The following ROCK2 variants were observed in gnomAD, a reference collection of about 807,000 sequenced individuals.
The protein encoded by ROCK2 is Rho associated coiled-coil containing protein kinase 2.
Under a neutral mutation model 195.1 loss-of-function variants are expected in ROCK2, and 61 were observed. The observed-to-expected ratio is 0.31, with a 90% CI of 0.25 to 0.39. ROCK2 has a LOEUF of 0.39. Among genes scored for constraint, ROCK2 ranks in the 10% least tolerant of loss-of-function variants. ROCK2 has a pLI of 1.00. For synonymous variants in ROCK2, 504 were observed against 545.5 expected, an observed-to-expected ratio of 0.92 and a Z score of 1.06; for missense variants, 1,109 against 1,637.4, an observed-to-expected ratio of 0.68 and a Z score of 5.57.
At chr2:11,323,688 T>C (rs1008947155) in intron 1 of ROCK2, among the ~76,000 whole-genome samples, 4 of 152,304 alleles carry the variant, frequency 2.6e-5, no homozygotes, top group African/African-American at 9.6e-5. Context: ...AAAGACTTTA[T>C]TTAAAGAGCA....
intron 1 of ROCK2, among the ~76,000 whole-genome samples, chr2:11,297,908 A>G (rs140300647): frequency 7.2e-5 from 11 of 152,330 alleles, no homozygotes; most frequent in South Asian, 2.1e-4. Context: ...AAGCAAATGT[A>G]ATTTCCCTAA....
intron 18 of ROCK2, among the ~76,000 whole-genome samples, chr2:11,210,690 G>A (rs1664218947): frequency 6.6e-6 from 1 of 152,060 alleles, no homozygotes; most frequent in African/African-American, 2.4e-5. Flanking sequence ...AGCATATCAC[G>A]AAATGTCAAA....
chr2:11,307,729 T>C (rs1472464257), intron 1 of ROCK2, among the ~76,000 whole-genome samples: 1 of 152,198 alleles, frequency 6.6e-6, no homozygotes, highest in Admixed American at 6.5e-5. Flanking sequence ...ATATCCACGG[T>C]TTCTGAATCC....
intron 1 of ROCK2, among the ~76,000 whole-genome samples, chr2:11,293,887 G>T (rs913814432): frequency 6.6e-6 from 1 of 152,080 alleles, no homozygotes; most frequent in Non-Finnish European, 1.5e-5. Flanking sequence ...GGCCAGGCGC[G>T]GTGGCTCACA....
chr2:11,338,953 AGAAAATGGTGTGT>A, intron 1 of ROCK2, among the ~76,000 whole-genome samples: 1 of 152,082 alleles, frequency 6.6e-6, no homozygotes, highest in East Asian at 1.9e-4. Flanking sequence ...CTCTAATAGA[AGAAAATGGTGTGT>A]GAAATTAGCT....
In ROCK2 at chr2:11,200,580, G is replaced by C. The variant is rs576945975; in HGVS notation, c.2910+377C>G. 1.8e-4 allele frequency among the ~76,000 whole-genome samples: 27 copies of C among 152,170 alleles called. No individual in the cohort carries two copies. In the South Asian group the frequency reaches 1.9e-3, roughly 11 times the overall value. On this transcript the variant is annotated intron_variant, in intron 23 of 32. Transcript: ENST00000315872. ...TTTAATTACCGCAGCATTTCAATAG[G>C]TCTAGTTAATTGATAGGGTAAACCT... is the stretch of plus-strand genomic sequence containing the variant.
chr2:11,299,531 C>T (rs560200494), intron 1 of ROCK2, among the ~76,000 whole-genome samples: 2 of 151,930 alleles, frequency 1.3e-5, no homozygotes, highest in African/African-American at 4.8e-5. Context: ...ATTCAATTCT[C>T]GTAAAAGTTC....
intron 1 of ROCK2, among the ~76,000 whole-genome samples, chr2:11,309,599 C>G (rs1433253938): frequency 1.3e-5 from 2 of 151,988 alleles, no homozygotes; most frequent in African/African-American, 2.4e-5. Context: ...CCCATCTCCA[C>G]CAAAAAATTG....
chr2:11,245,155 T>C (rs553016330), intron 4 of ROCK2, among the ~76,000 whole-genome samples: 5 of 151,692 alleles, frequency 3.3e-5, no homozygotes, highest in Admixed American at 2.6e-4. Flanking sequence ...TACTAATTTA[T>C]ATTCCTTATA....
At chr2:11,225,079 G>C (rs887546790) in intron 6 of ROCK2, among the ~76,000 whole-genome samples, 2 of 152,192 alleles carry the variant, frequency 1.3e-5, no homozygotes, top group African/African-American at 4.8e-5. Flanking sequence ...TTTTACATAA[G>C]AGGAAGTCAG....
At chr2:11,230,528 T>C (rs1664965567) in intron 5 of ROCK2, among the ~76,000 whole-genome samples, 1 of 152,054 alleles carries the variant, frequency 6.6e-6, no homozygotes, top group Admixed American at 6.6e-5. Context: ...TGATAGAGAA[T>C]AGGGTACAAA....
chr2:11,252,061 T>C (rs1210394271), intron 3 of ROCK2, among the ~76,000 whole-genome samples: 2 of 152,152 alleles, frequency 1.3e-5, no homozygotes, highest in African/African-American at 4.8e-5. Flanking sequence ...ATGCTGTTGG[T>C]GGGAGCGTAA....
In ROCK2 at chr2:11,202,065, T is replaced by C; in HGVS notation, c.2606A>G (p.Glu869Gly). The change falls in exon 21 of 33, where the codon GAA becomes GGA. Residue 869 changes from glutamate to glycine, a missense_variant. Coordinates refer to ENST00000315872, the MANE Select transcript of ROCK2 (RefSeq NM_004850.5). ...MKELQDQLEA[E>G]QYFSTLYKTQ... is the part of the protein sequence containing the mutation. Reference sequence around the variant, plus strand: ...TCTTGAACTTACTGAGAAATACTGTTCTGCTTCGAGCTGATCCTGGAGCTC... The same window carrying C: ...TCTTGAACTTACTGAGAAATACTGTCCTGCTTCGAGCTGATCCTGGAGCTC... The C allele has an allele frequency of 1.2e-6, 2 of 1,613,764 alleles. No individual in the cohort carries two copies. The highest frequency in any genetic ancestry group is 2.2e-5 in the South Asian group (2 of 91,090).
Position 11,265,143 on chromosome 2 carries a change from A to G in ROCK2, c.325-15345T>C, listed in dbSNP as rs150209074. Among the ~76,000 whole-genome samples, 234 of 152,354 alleles carry G rather than the reference A, an allele frequency of 1.5e-3. 5 individuals are homozygous for G. The East Asian group carries it at 0.039, about 26-fold the overall frequency. Reference sequence around the variant, plus strand: ...TAGGTTACTAAATACAAATGGATTAAAAGTCTGGCTGGCATGTTACAACTG... The same window carrying G: ...TAGGTTACTAAATACAAATGGATTAGAAGTCTGGCTGGCATGTTACAACTG... On this transcript the variant is annotated intron_variant, in intron 3 of 32. Transcript: ENST00000315872.
chr2:11,288,779 A>C (rs2148196751), intron 1 of ROCK2, among the ~76,000 whole-genome samples: 1 of 152,278 alleles, frequency 6.6e-6, no homozygotes, highest in East Asian at 1.9e-4. Context: ...GAAAATTTAG[A>C]AAGGTAATCC....
At chr2:11,338,304 A>C (rs1668994651) in intron 1 of ROCK2, among the ~76,000 whole-genome samples, 1 of 152,162 alleles carries the variant, frequency 6.6e-6, no homozygotes, top group Non-Finnish European at 1.5e-5. Flanking sequence ...CTATGACTAC[A>C]CCACTGCATC....
chr2:11,271,803 G>A (rs1272109847), intron 3 of ROCK2, among the ~76,000 whole-genome samples: 2 of 152,034 alleles, frequency 1.3e-5, no homozygotes, highest in African/African-American at 2.4e-5. Context: ...AGAGGCGGGC[G>A]GATCACAAGG....
At chr2:11,319,721 C>G (rs980358847) in intron 1 of ROCK2, among the ~76,000 whole-genome samples, 18 of 152,130 alleles carry the variant, frequency 1.2e-4, no homozygotes, top group African/African-American at 2.4e-4. Context: ...CATTCAGTAT[C>G]ATATTGGCTG....
At chr2:11,286,834 CAT>C (rs1474994966) in intron 2 of ROCK2, among the ~76,000 whole-genome samples, 195 bp from the exon 3 acceptor site, 1 of 152,168 alleles carries the variant, frequency 6.6e-6, no homozygotes, top group African/African-American at 2.4e-5. Context: ...TTTATTAACA[CAT>C]ATAAATGAAC....
Sources: allele counts gnomAD v4.1 joint callset (sites outside exome capture counted in the v4.1 genomes callset), GRCh38; gene constraint gnomAD v4.1.1; transcripts MANE v1.5; gene names NCBI Gene and HGNC (gene_info 2026-07-23, HGNC 2026-07-21).